GFAP: variants seen among roughly 807,000 people sequenced by gnomAD.
The protein encoded by GFAP is glial fibrillary acidic protein, also known as intermediate filament protein.
In GFAP, 38 loss-of-function variants were observed where a neutral mutation model predicts 49.3. That is an observed-to-expected ratio of 0.77 (90% CI 0.60 to 1.01). The LOEUF (loss-of-function observed/expected upper bound fraction) is 1.01, where lower values mean the gene tolerates loss of function less well. Among genes scored for constraint, GFAP ranks in the 50% least tolerant of loss-of-function variants. The pLI is 0.00. For missense variants in GFAP, 463 were observed against 579.1 expected, an observed-to-expected ratio of 0.80 and a Z score of 2.06; for synonymous variants, 222 against 236.4, an observed-to-expected ratio of 0.94 and a Z score of 0.56.
Position 44,907,295 on chromosome 17 carries a change from T to G in GFAP, c.*52A>C. 6.3e-7 allele frequency: 1 copy of G among 1,577,660 alleles called. No individual in the cohort carries two copies. The highest frequency in any genetic ancestry group is 8.7e-7 in the Non-Finnish European group (1 of 1,147,282). ...GCAGAGGCGGAGCAACTATCCTGCT[T>G]CTGCTCGGGCCCCTCATGAGACGGG... On this transcript the variant is annotated 3_prime_UTR_variant, in exon 9 of 9. Transcript: ENST00000588735.
At position 44,911,711 on chromosome 17, in the gene GFAP, C is replaced by T. The variant is rs1325062595; in HGVS notation, c.867G>A (p.Leu289=). 6.2e-7 allele frequency: 1 copy of T among 1,613,928 alleles called. No homozygotes were observed. The highest frequency in any genetic ancestry group is 1.1e-5 in the South Asian group (1 of 91,084). ...ACTCCAGGTCGCAGGTCAAGGACTG[C>T]AACTGGCGCCGGTAGTCGTTGGCTT... The part of the protein sequence containing the change: ...KHEANDYRRQ[L]QSLTCDLESL... The change falls in exon 5 of 9, where the codon TTG becomes TTA. Residue 289 remains leucine (L), a synonymous_variant. Transcript: ENST00000588735.
At position 44,905,174 on chromosome 17, in the gene GFAP, C is replaced by A; in HGVS notation, c.*2173G>T. On this transcript the variant is annotated 3_prime_UTR_variant, in exon 9 of 9. Transcript: ENST00000588735. ...CCTGGGTTGGGACAGGTGGTAGGAA[C>A]ATGTGGACAAATCTGTTACAGCCTG... 1 of 876,104 alleles carries A rather than the reference C, an allele frequency of 1.1e-6. No homozygotes were observed. The highest frequency in any genetic ancestry group is 1.8e-6 in the Non-Finnish European group (1 of 571,034). The allele number at this position is 876,104 out of a possible 1,614,324, so 54.3% of individuals were successfully genotyped here.
At position 44,904,773 on chromosome 17, in the gene GFAP, G is replaced by A. The variant is rs1489876638; in HGVS notation, c.*2574C>T. On this transcript the variant is annotated 3_prime_UTR_variant, in exon 9 of 9. Transcript: ENST00000588735. ...CTCTACCGCACACAGTACCTGAAGGGTGTCAACAGGTCCATGAGGGTGTTC... is the reference window on the plus strand; with the variant it reads ...CTCTACCGCACACAGTACCTGAAGGATGTCAACAGGTCCATGAGGGTGTTC... 1 of 1,550,650 alleles carries A rather than the reference G, an allele frequency of 6.4e-7. No individual in the cohort carries two copies. Among genetic ancestry groups the A allele is most frequent in the Non-Finnish European group, 8.7e-7 (1 of 1,147,002 alleles).
Position 44,905,141 on chromosome 17 carries a change from G to A in GFAP, c.*2206C>T. On this transcript the variant is annotated 3_prime_UTR_variant, in exon 9 of 9. Transcript: ENST00000588735. Reference sequence around the variant, plus strand: ...GTTAAATGATACCAGATGTCTCTGGGTGGGTACCCTGGGTTGGGACAGGTG... The same window carrying A: ...GTTAAATGATACCAGATGTCTCTGGATGGGTACCCTGGGTTGGGACAGGTG... 1 of 1,278,964 alleles carries A rather than the reference G, an allele frequency of 7.8e-7. No homozygotes were observed. 79.2% of individuals were successfully genotyped at this position (1,278,964 alleles called of 1,614,324 possible).
intron 7 of GFAP, 154 bp from the exon 8 acceptor site, chr17:44,908,303 G>A (rs1009907669): frequency 2.2e-5 from 11 of 493,664 alleles, no homozygotes; most frequent in African/African-American, 4.5e-5. Context: ...CAAACGGGCT[G>A]GAGAGCCCCC....
rs1263130685 is a variant in GFAP at position 44,905,175 on chromosome 17, A to T, written c.*2172T>A. On this transcript the variant is annotated 3_prime_UTR_variant, in exon 9 of 9. Transcript: ENST00000588735. ...CTGGGTTGGGACAGGTGGTAGGAAC[A>T]TGTGGACAAATCTGTTACAGCCTGC... 28 of 862,384 alleles carry T rather than the reference A, an allele frequency of 3.2e-5. No homozygotes were observed. Among genetic ancestry groups the T allele is most frequent in the Non-Finnish European group, 4.1e-5 (23 of 558,768 alleles). The allele number at this position is 862,384 out of a possible 1,614,324, so 53.4% of individuals were successfully genotyped here.
At chr17:44,908,345 G>C in intron 7 of GFAP, 196 bp from the exon 8 acceptor site, 1 of 551,484 alleles carries the variant, frequency 1.8e-6, no homozygotes, top group Non-Finnish European at 3.2e-6. Context: ...CAGAGTCCTG[G>C]CTGCTCTGTC....
At position 44,905,379 on chromosome 17, in the gene GFAP, T is replaced by C. The variant is rs2051639677; in HGVS notation, c.*1968A>G. The C allele has an allele frequency of 3.2e-6, 1 of 309,134 alleles. No homozygotes were observed. The highest frequency in any genetic ancestry group is 6.4e-6 in the Non-Finnish European group (1 of 157,420). The allele number at this position is 309,134 out of a possible 1,614,324, so 19.1% of individuals were successfully genotyped here. A position where few individuals can be genotyped will look rare whatever the true frequency, so the allele number is the denominator to read the frequency against. ...TTATCCAGTGGTAAACACTGATCAG[T>C]GTTGAATCATGTTTGAGCTGCTTTG... On this transcript the variant is annotated 3_prime_UTR_variant, in exon 9 of 9. Coordinates refer to ENST00000588735, the MANE Select transcript of GFAP (RefSeq NM_002055.5).
rs533973755 is a variant in GFAP, at chr17:44,904,360, C to T, written c.*2987G>A. The T allele has an allele frequency of 7.1e-6, 11 of 1,544,074 alleles. No individual in the cohort carries two copies. In the South Asian group the frequency reaches 1.3e-4, roughly 18 times the overall value. On this transcript the variant is annotated 3_prime_UTR_variant, in exon 9 of 9. Transcript: ENST00000588735. The stretch of plus-strand genomic sequence containing the variant: ...TCACCACCTTCTGGGAATGGACCCC[C>T]TGTGACCGCTGCGGAGTGCGTGGGG...
Position 44,906,910 on chromosome 17 carries a change from C to T in GFAP, c.*437G>A, listed in dbSNP as rs1463533256. On this transcript the variant is annotated 3_prime_UTR_variant, in exon 9 of 9. Coordinates refer to ENST00000588735, the MANE Select transcript of GFAP (RefSeq NM_002055.5). ...CCTTTCCTGTCTGAGTCTCAGTTTTCCTCCAGCAGCCTGAGGAAACTCAAA... is the reference window on the plus strand; with the variant it reads ...CCTTTCCTGTCTGAGTCTCAGTTTTTCTCCAGCAGCCTGAGGAAACTCAAA... The T allele has an allele frequency of 4.0e-6, 1 of 247,728 alleles. No individual in the cohort carries two copies. The highest frequency in any genetic ancestry group is 8.1e-6 in the Non-Finnish European group (1 of 123,318). The allele number at this position is 247,728 out of a possible 1,614,324, so 15.3% of individuals were successfully genotyped here. A position where few individuals can be genotyped will look rare whatever the true frequency, so the allele number is the denominator to read the frequency against.
rs977298647 is a variant in GFAP, at chr17:44,904,306, A to C, written c.*3041T>G. 1.6e-5 allele frequency: 25 copies of C among 1,547,090 alleles called. No individual in the cohort carries two copies. Among genetic ancestry groups the C allele is most frequent in the Non-Finnish European group, 2.2e-5 (25 of 1,145,230 alleles). The stretch of plus-strand genomic sequence containing the variant: ...AGGACAAGGGCCAGGAGCCCTTTGC[A>C]GATGAATACTATGGGCACCTCCATG... On this transcript the variant is annotated 3_prime_UTR_variant, in exon 9 of 9. Transcript: ENST00000588735.
chr17:44,905,260 G>T lies in GFAP; in HGVS notation c.*2087C>A. On this transcript the variant is annotated 3_prime_UTR_variant, in exon 9 of 9. Transcript: ENST00000588735. ...TGAGAAGTGGAGGGGCCTGAGGCTG[G>T]TGGGAGATTGGGGACTGAGCTCAGG... 1.7e-6 allele frequency: 1 copy of T among 597,290 alleles called. No individual in the cohort carries two copies. The highest frequency in any genetic ancestry group is 3.0e-6 in the Non-Finnish European group (1 of 329,872). 37.0% of individuals were successfully genotyped at this position (597,290 alleles called of 1,614,324 possible). A position where few individuals can be genotyped will look rare whatever the true frequency, so the allele number is the denominator to read the frequency against.
At position 44,911,400 on chromosome 17, in the gene GFAP, C is replaced by T. The variant is rs749881380; in HGVS notation, c.963G>A (p.Ala321=). 1.2e-6 allele frequency: 2 copies of T among 1,613,670 alleles called. No homozygotes were observed. The highest frequency in any genetic ancestry group is 2.2e-5 in the East Asian group (1 of 44,890). ...GCGCCAGCGCCTCCTGATAACTGGCCGCCTCCCGCACGTGCCGCTCCTCCT... is the reference window on the plus strand; with the variant it reads ...GCGCCAGCGCCTCCTGATAACTGGCTGCCTCCCGCACGTGCCGCTCCTCCT... ...REQEERHVRE[A]ASYQEALARL... is the part of the protein sequence containing the mutation. Residue 321 remains alanine, a synonymous_variant, in exon 6 of 9, where the codon GCG becomes GCA. Coordinates refer to ENST00000588735, the MANE Select transcript of GFAP (RefSeq NM_002055.5).
At position 44,905,574 on chromosome 17, in the gene GFAP, G is replaced by C. The variant is rs1343247572; in HGVS notation, c.*1773C>G. On this transcript the variant is annotated 3_prime_UTR_variant, in exon 9 of 9. Transcript: ENST00000588735. The stretch of plus-strand genomic sequence containing the variant: ...AAGAAATGAGTTGGTCTTGTCAAAG[G>C]CTACATCTTGGCCCCAGTCCCGCCC... 3.8e-5 allele frequency: 6 copies of C among 159,828 alleles called. No individual in the cohort carries two copies. Among genetic ancestry groups the C allele is most frequent in the Admixed American group, 6.0e-5 (1 of 16,544 alleles). 9.9% of individuals were successfully genotyped at this position (159,828 alleles called of 1,614,324 possible).
intron 1 of GFAP, chr17:44,914,348 A>AGCATACACTCACTGTTGC (rs2051856368): frequency 1.8e-6 from 1 of 542,398 alleles, no homozygotes; most frequent in Non-Finnish European, 3.3e-6. Context: ...CGCATCCACA[A>AGCATACACTCACTGTTGC]GCATACACTC....
At chr17:44,911,183 C>G in intron 6 of GFAP, 53 bp downstream of exon 6, 1 of 1,501,860 alleles carries the variant, frequency 6.7e-7, no homozygotes. Context: ...GCAAGATGAG[C>G]TCTACCGTGA....
chr17:44,911,672 C>G lies in GFAP; in HGVS notation c.906G>C (p.Thr302=), dbSNP rs1208766068. Residue 302 remains threonine, a splice_region_variant and synonymous_variant, in exon 5 of 9, where the codon ACG becomes ACC. Coordinates refer to ENST00000588735, the MANE Select transcript of GFAP (RefSeq NM_002055.5). ...CCCGTCCTGCCCTGGCCGCGCTCAC[C>G]GTGCCGCGCAGAGACTCCAGGTCGC... is the stretch of plus-strand genomic sequence containing the variant. ...LTCDLESLRG[T]NESLERQMRE... is the part of the protein sequence containing the mutation. The G allele has an allele frequency of 1.2e-6, 2 of 1,612,522 alleles. No homozygotes were observed. Among genetic ancestry groups the G allele is most frequent in the African/African-American group, 2.7e-5 (2 of 74,936 alleles).
rs1196350199 is a variant in GFAP at position 44,913,387 on chromosome 17, T to C, written c.662A>G (p.His221Arg). The change falls in exon 4 of 9, where the codon CAT becomes CGT. Residue 221 changes from histidine (H) to arginine (R), a missense_variant. This residue lies in a region of GFAP where 362 missense variants were observed against 445.5 expected (regional missense o/e 0.81). Transcript: ENST00000588735. ...LQEQLARQQV[H>R]VELDVAKPDL... ...TGGCTTGGCCACGTCAAGCTCCACA[T>C]GGACCTGCTGTCGGGCCAGCTGCTC... 6.2e-7 allele frequency: 1 copy of C among 1,614,212 alleles called. No homozygotes were observed. Among genetic ancestry groups the C allele is most frequent in the Admixed American group, 1.7e-5 (1 of 60,026 alleles).
chr17:44,914,048 T>C lies in GFAP; in HGVS notation c.502A>G (p.Asn168Asp). 6.4e-7 allele frequency: 1 copy of C among 1,558,980 alleles called. No individual in the cohort carries two copies. The highest frequency in any genetic ancestry group is 8.7e-7 in the Non-Finnish European group (1 of 1,150,750). ...ETNLRLEAEN[N>D]LAAYRQEADE... ...CTGACCTGTCTATAGGCAGCCAGGT[T>C]GTTCTCGGCTTCCAGCCTCAGGTTG... Residue 168 changes from asparagine (N) to aspartate (D), a missense_variant, in exon 2 of 9, where the codon AAC (asparagine) becomes GAC (aspartate). Physicochemically the swap from Asn to Asp is conservative, Grantham distance 23. Coordinates refer to ENST00000588735, the MANE Select transcript of GFAP (RefSeq NM_002055.5).
Sources: allele counts gnomAD v4.1 joint callset, GRCh38; gene constraint gnomAD v4.1.1; regional missense constraint gnomAD v4.1.1; transcripts MANE v1.5; gene names NCBI Gene and HGNC (gene_info 2026-07-23, HGNC 2026-07-21).